Variants in NRXN3 observed in about 807,000 individuals in gnomAD.
NRXN3 encodes the protein neurexin III.
Under a neutral mutation model 137.6 loss-of-function variants are expected in NRXN3, and 32 were observed. The observed-to-expected ratio is 0.23, with a 90% CI of 0.18 to 0.31. The LOEUF (loss-of-function observed/expected upper bound fraction) is 0.31, where lower values mean the gene tolerates loss of function less well. Ranked by LOEUF, NRXN3 falls within the 10% of genes least tolerant of loss-of-function variation. The pLI is 1.00. For synonymous variants in NRXN3, 798 were observed against 784.5 expected (o/e 1.02, Z -0.29); for missense variants, 1,574 against 2,062.5 (o/e 0.76, Z 4.59).
rs569849945 is a variant in NRXN3 at position 79,854,808 on chromosome 14, G to A, written c.4094-6534G>A. Reference sequence around the variant, plus strand: ...TTTTCCTTCAGCAAAGGGGAAATAAGGTACTCTCAAGTGACTATGGTAGAG... The same window carrying A: ...TTTTCCTTCAGCAAAGGGGAAATAAAGTACTCTCAAGTGACTATGGTAGAG... On this transcript the variant is annotated intron_variant, in intron 20 of 20. Transcript: ENST00000335750. Among the ~76,000 whole-genome samples the A allele has an allele frequency of 1.6e-4, 25 of 152,272 alleles. 1 individual carries two copies. The Middle Eastern group carries it at 0.01, about 62-fold the overall frequency.
At chr14:79,766,635 A>G (rs2099056921) in intron 19 of NRXN3, among the ~76,000 whole-genome samples, 1 of 152,234 alleles carries the variant, frequency 6.6e-6, no homozygotes, top group African/African-American at 2.4e-5. Flanking sequence ...GTGTAATCTC[A>G]CAAAGATCTT....
At chr14:78,361,689 A>G (rs2085138882) in intron 4 of NRXN3, among the ~76,000 whole-genome samples, 1 of 152,198 alleles carries the variant, frequency 6.6e-6, no homozygotes, top group Non-Finnish European at 1.5e-5. Flanking sequence ...TTGTGAAGTC[A>G]AGAATAATTT....
At chr14:78,195,122 A>T (rs1459390007) in intron 1 of NRXN3, among the ~76,000 whole-genome samples, 1 of 150,684 alleles carries the variant, frequency 6.6e-6, no homozygotes, top group African/African-American at 2.5e-5. Context: ...TAAGTTTTAA[A>T]TTTCAAGCTG....
At chr14:78,943,610 T>TA (rs754141401) in intron 10 of NRXN3, among the ~76,000 whole-genome samples, 551 of 28,740 alleles carry the variant, frequency 0.019, 41 homozygotes, top group Non-Finnish European at 0.023. Context: ...AGATCACTGT[T>TA]AAAAAAAAAA....
At chr14:79,374,504 G>C (rs778919277) in intron 15 of NRXN3, among the ~76,000 whole-genome samples, 1 of 151,952 alleles carries the variant, frequency 6.6e-6, no homozygotes, top group Non-Finnish European at 1.5e-5. Flanking sequence ...TCTGCAAACC[G>C]TAAAATCTTT....
intron 4 of NRXN3, among the ~76,000 whole-genome samples, chr14:78,579,822 C>A (rs7155847): frequency 0.023 from 3,440 of 152,216 alleles, 43 homozygotes; most frequent in Non-Finnish European, 0.025. Context: ...AAATAACTAG[C>A]CTAGTTCCTG....
At chr14:79,195,173 C>A (rs17108928) in intron 15 of NRXN3, among the ~76,000 whole-genome samples, 5,405 of 152,220 alleles carry the variant, frequency 0.036, 229 homozygotes, top group East Asian at 0.21. Flanking sequence ...TGACAAGATG[C>A]TCCCAGTGAA....
rs73319514 is a variant in NRXN3 at position 78,381,180 on chromosome 14, T to C, written c.757+83320T>C. On this transcript the variant is annotated intron_variant, in intron 4 of 20. Transcript: ENST00000335750. ...GTGGATCACAGACATAAATGTAAAA[T>C]GTAAAAACTTTTTGAAAAACATAGG... 9.4e-3 allele frequency among the ~76,000 whole-genome samples: 1,429 copies of C among 152,270 alleles called. 22 individuals carry two copies. Among genetic ancestry groups the C allele is most frequent in the African/African-American group, 0.032 (1,345 of 41,572 alleles).
rs535266368 is a variant in NRXN3 at position 78,398,477 on chromosome 14, T to G, written c.757+100617T>G. Among the ~76,000 whole-genome samples, 6 of 152,230 alleles carry G rather than the reference T, an allele frequency of 3.9e-5. No individual in the cohort carries two copies. The East Asian group carries it at 1.2e-3, about 29-fold the overall frequency. ...CCACCTCCTTACTATTTCATTCAGGTAAAAGTCTAGGTTCTCTACTTGGCC... is the reference window on the plus strand; with the variant it reads ...CCACCTCCTTACTATTTCATTCAGGGAAAAGTCTAGGTTCTCTACTTGGCC... On this transcript the variant is annotated intron_variant, in intron 4 of 20. Coordinates refer to ENST00000335750, the MANE Select transcript of NRXN3 (RefSeq NM_001330195.2).
chr14:78,521,792 T>TA (rs927040110), intron 4 of NRXN3, among the ~76,000 whole-genome samples: 50 of 151,990 alleles, frequency 3.3e-4, no homozygotes, highest in African/African-American at 9.4e-4. Flanking sequence ...TGATGAAATT[T>TA]AAAAAAAACC....
chr14:78,300,836 A>G, intron 4 of NRXN3: 1 of 643,786 alleles, frequency 1.6e-6, no homozygotes, highest in Non-Finnish European at 2.7e-6. Flanking sequence ...AATAAAAATA[A>G]AAAGCCAATG....
chr14:79,629,720 G>A (rs920069496), intron 16 of NRXN3, among the ~76,000 whole-genome samples: 1 of 152,062 alleles, frequency 6.6e-6, no homozygotes, highest in Non-Finnish European at 1.5e-5. Flanking sequence ...GTCTAAACAG[G>A]GGAGAAGAAA....
chr14:79,039,356 A>G (rs2099621374), intron 15 of NRXN3, among the ~76,000 whole-genome samples: 1 of 152,118 alleles, frequency 6.6e-6, no homozygotes, highest in Non-Finnish European at 1.5e-5. Flanking sequence ...CTGGTTTCCA[A>G]CTGAGGATTA....
chr14:78,916,456 C>T (rs545664256), intron 10 of NRXN3, among the ~76,000 whole-genome samples: 2 of 152,182 alleles, frequency 1.3e-5, no homozygotes, highest in South Asian at 4.2e-4. Flanking sequence ...TGGGCTGAGT[C>T]CTGAATACAA....
At chr14:78,631,065 T>A (rs2097517701) in intron 4 of NRXN3, among the ~76,000 whole-genome samples, 1 of 152,220 alleles carries the variant, frequency 6.6e-6, no homozygotes, top group African/African-American at 2.4e-5. Flanking sequence ...TAGTCTCATG[T>A]TCATTATAGT....
intron 17 of NRXN3, among the ~76,000 whole-genome samples, chr14:79,664,662 G>C (rs2098549527): frequency 6.6e-6 from 1 of 152,074 alleles, no homozygotes. Context: ...CGGGAGAAAA[G>C]GTTGCCTTCC....
chr14:78,430,468 G>C (rs774465268), intron 4 of NRXN3, among the ~76,000 whole-genome samples: 2 of 152,300 alleles, frequency 1.3e-5, no homozygotes, highest in African/African-American at 4.8e-5. Context: ...GAGGCTAAGT[G>C]ACTTTCATAA....
chr14:78,829,397 A>C (rs2098975727), intron 10 of NRXN3, among the ~76,000 whole-genome samples: 1 of 152,186 alleles, frequency 6.6e-6, no homozygotes, highest in African/African-American at 2.4e-5. Context: ...ATTTGAAGAA[A>C]TGATGACACC....
chr14:79,781,830 G>T (rs915382683), intron 19 of NRXN3, among the ~76,000 whole-genome samples: 1 of 152,184 alleles, frequency 6.6e-6, no homozygotes, highest in African/African-American at 2.4e-5. Flanking sequence ...TTTTACTGGG[G>T]CTACTTATCA....
Sources: gnomAD v4.1 joint callset for allele counts (sites outside exome capture counted in the v4.1 genomes callset) on GRCh38, gnomAD v4.1.1 for gene constraint, MANE v1.5 for transcripts, NCBI Gene and HGNC (gene_info 2026-07-23, HGNC 2026-07-21) for gene names.